The following STT3B variants were observed in gnomAD, a reference collection of about 807,000 sequenced individuals.
STT3B encodes the protein dolichyl-diphosphooligosaccharide--protein glycosyltransferase subunit STT3B.
In STT3B, 29 loss-of-function variants were observed where a neutral mutation model predicts 96.8. The observed-to-expected ratio is 0.30, with a 90% CI of 0.22 to 0.41. STT3B has a LOEUF of 0.41. Ranked by LOEUF, STT3B falls within the 10% of genes least tolerant of loss-of-function variation. STT3B has a pLI of 1.00. For synonymous variants in STT3B, 367 were observed against 360.0 expected (o/e 1.02, Z -0.22); for missense variants, 640 against 1,022.3 (o/e 0.63, Z 5.10).
intron 2 of STT3B, among the ~76,000 whole-genome samples, chr3:31,578,567 TC>T (rs144825146): frequency 2.0e-5 from 3 of 151,700 alleles, no homozygotes; most frequent in Non-Finnish European, 4.4e-5. Context: ...TGTTTTTTTT[TC>T]CCCCCCAGTA....
intron 1 of STT3B, among the ~76,000 whole-genome samples, chr3:31,566,857 C>G (rs1698019596): frequency 6.6e-6 from 1 of 152,188 alleles, no homozygotes; most frequent in African/African-American, 2.4e-5. Flanking sequence ...ATTTGCCTGT[C>G]TTTCCAGTGC....
intron 1 of STT3B, among the ~76,000 whole-genome samples, chr3:31,553,263 C>A (rs943254805): frequency 5.9e-5 from 9 of 152,056 alleles, no homozygotes; most frequent in Non-Finnish European, 1.0e-4. Context: ...TAAGTATTCA[C>A]CCAAAGAAGT....
intron 5 of STT3B, among the ~76,000 whole-genome samples, chr3:31,605,806 G>A (rs1699038507): frequency 6.6e-6 from 1 of 152,202 alleles, no homozygotes; most frequent in Non-Finnish European, 1.5e-5. Context: ...CTGGGTAACA[G>A]ACAGATAGAT....
chr3:31,560,696 G>A (rs927642703), intron 1 of STT3B, among the ~76,000 whole-genome samples: 3 of 151,976 alleles, frequency 2.0e-5, no homozygotes, highest in Admixed American at 6.6e-5. Context: ...CCTTATGTTT[G>A]ACTTTTGACA....
chr3:31,599,563 T>C (rs1225170440), intron 4 of STT3B, among the ~76,000 whole-genome samples: 2 of 152,238 alleles, frequency 1.3e-5, no homozygotes, highest in Non-Finnish European at 1.5e-5. Context: ...GGAATAGATA[T>C]GCTAGCATAT....
intron 1 of STT3B, 149 bp from the exon 2 acceptor site, chr3:31,576,247 A>C: frequency 2.2e-6 from 1 of 444,964 alleles, no homozygotes; most frequent in Non-Finnish European, 3.9e-6. Context: ...AGGTATAAGC[A>C]TGTTCTTTTG....
intron 2 of STT3B, among the ~76,000 whole-genome samples, chr3:31,578,512 A>G (rs1414363518): frequency 1.3e-5 from 2 of 151,904 alleles, no homozygotes; most frequent in Non-Finnish European, 2.9e-5. Flanking sequence ...CTACCGTATT[A>G]TATGGATATA....
At position 31,636,022 on chromosome 3, in the gene STT3B, G is replaced by T; in HGVS notation, c.2439G>T (p.Leu813=). 1.2e-6 allele frequency: 2 copies of T among 1,608,878 alleles called. No individual in the cohort carries two copies. Among genetic ancestry groups the T allele is most frequent in the Non-Finnish European group, 1.7e-6 (2 of 1,177,538 alleles). The change falls in exon 16 of 16, where the codon CTG becomes CTT. Residue 813 remains leucine, a synonymous_variant. Coordinates refer to ENST00000295770, the MANE Select transcript of STT3B (RefSeq NM_178862.3). The stretch of plus-strand genomic sequence containing the variant: ...AGCGTGGCTACATTAAAAATAAGCT[G>T]GTTTTTAAGAAAGGCAAGAAAATAT... ...KRKRGYIKNK[L]VFKKGKKISK... is the part of the protein sequence containing the mutation.
intron 11 of STT3B, 64 bp downstream of exon 11, chr3:31,623,925 G>T: frequency 7.7e-7 from 1 of 1,303,854 alleles, no homozygotes; most frequent in East Asian, 2.4e-5. Context: ...TGTCTCAAAG[G>T]ATATAATTAA....
At chr3:31,582,563 G>A (rs531387857) in intron 3 of STT3B, among the ~76,000 whole-genome samples, 19 of 151,962 alleles carry the variant, frequency 1.3e-4, no homozygotes, top group Admixed American at 2.0e-4. Context: ...AAAGTGCTAG[G>A]TTTACAGGCA....
At chr3:31,577,144 C>G (rs1698282635) in intron 2 of STT3B, among the ~76,000 whole-genome samples, 1 of 151,940 alleles carries the variant, frequency 6.6e-6, no homozygotes, top group African/African-American at 2.4e-5. Flanking sequence ...TTTCTTAACC[C>G]AAAGAAACTT....
At chr3:31,623,076 G>T (rs527407755) in intron 10 of STT3B, among the ~76,000 whole-genome samples, 3 of 152,166 alleles carry the variant, frequency 2.0e-5, no homozygotes, top group Non-Finnish European at 2.9e-5. Context: ...TATTGTTGGG[G>T]TTTTTTTGTT....
At chr3:31,591,855 T>C (rs185958155) in intron 3 of STT3B, among the ~76,000 whole-genome samples, 49 of 152,288 alleles carry the variant, frequency 3.2e-4, no homozygotes, top group Non-Finnish European at 5.3e-4. Context: ...TTTTTATAAT[T>C]TCCTTTTAGC....
At chr3:31,559,338 T>C (rs561986017) in intron 1 of STT3B, among the ~76,000 whole-genome samples, 1 of 118,796 alleles carries the variant, frequency 8.4e-6, no homozygotes, top group East Asian at 2.9e-4. Flanking sequence ...AGGTGTTGTT[T>C]ATTGCTATAA....
intron 8 of STT3B, among the ~76,000 whole-genome samples, chr3:31,618,930 T>C (rs1367778607): frequency 6.6e-6 from 1 of 150,986 alleles, no homozygotes; most frequent in East Asian, 1.9e-4. Flanking sequence ...AAAGTAAAAT[T>C]GTAATATTAT....
At chr3:31,635,509 A>G (rs1559396027) in intron 15 of STT3B, among the ~76,000 whole-genome samples, 1 of 152,170 alleles carries the variant, frequency 6.6e-6, no homozygotes, top group Non-Finnish European at 1.5e-5. Context: ...CCAAGTGATT[A>G]TATCTCTCAT....
At chr3:31,544,849 A>G (rs1273192926) in intron 1 of STT3B, among the ~76,000 whole-genome samples, 3 of 152,052 alleles carry the variant, frequency 2.0e-5, no homozygotes, top group Admixed American at 6.6e-5. Flanking sequence ...AGGCAGGAGA[A>G]TTGCTTAAAC....
At chr3:31,543,019 T>C (rs1697316067) in intron 1 of STT3B, among the ~76,000 whole-genome samples, 1 of 139,956 alleles carries the variant, frequency 7.1e-6, no homozygotes, top group African/African-American at 2.7e-5. Context: ...TGAGCCGAGA[T>C]TGCGCCACTG....
rs757140405 is a variant in STT3B, at chr3:31,616,976, G to T, written c.1024G>T (p.Asp342Tyr). The stretch of plus-strand genomic sequence containing the variant: ...TTATGCTTTCTTGCAGTATCTGAGA[G>T]ACCGATTAACAAAACAAGAGTTCCA... Reference protein sequence around the residue: ...QAYAFLQYLRDRLTKQEFQTL... With the variant: ...QAYAFLQYLRYRLTKQEFQTL... Residue 342 changes from aspartate to tyrosine, a missense_variant, in exon 7 of 16, where the codon GAC becomes TAC. Asp to Tyr is a radical substitution (Grantham distance 160, BLOSUM62 -3). Around this residue, in one of 8 missense-constraint regions of STT3B, gnomAD observed 267 missense variants for 388.3 expected, o/e 0.69. Transcript: ENST00000295770. 5.6e-6 allele frequency: 9 copies of T among 1,612,338 alleles called. No individual in the cohort carries two copies. The highest frequency in any genetic ancestry group is 7.6e-6 in the Non-Finnish European group (9 of 1,178,674).
Sources: gnomAD v4.1 joint callset for allele counts (sites outside exome capture counted in the v4.1 genomes callset) on GRCh38, gnomAD v4.1.1 for gene constraint, gnomAD v4.1.1 regional missense constraint, MANE v1.5 for transcripts, NCBI Gene and HGNC (gene_info 2026-07-23, HGNC 2026-07-21) for gene names.